Variants in TACC1 observed in about 807,000 individuals in gnomAD.
TACC1 encodes the protein transforming acidic coiled-coil-containing protein 1.
TACC1 carries 48 observed loss-of-function variants against 84.4 expected under a neutral mutation model. That is an observed-to-expected ratio of 0.57 (90% CI 0.45 to 0.72). The LOEUF (loss-of-function observed/expected upper bound fraction) is 0.72, where lower values mean the gene tolerates loss of function less well. Ranked by LOEUF, TACC1 falls within the 30% of genes least tolerant of loss-of-function variation. The pLI, the probability that TACC1 is intolerant of heterozygous loss-of-function variation, is 0.00. For synonymous variants in TACC1, 372 were observed against 376.3 expected (o/e 0.99, Z 0.13); for missense variants, 920 against 973.0 (o/e 0.95, Z 0.72).
chr8:38,783,436 T>C (rs1325995442), upstream of TACC1, among the ~76,000 whole-genome samples: 1 of 151,868 alleles, frequency 6.6e-6, no homozygotes, highest in Admixed American at 6.6e-5. Context: ...TTTTTTTTTT[T>C]TTTGAGATGG....
At chr8:38,744,808 A>G (rs907507939) in intron 2 of TACC1, 2 of 152,130 alleles carry the variant, frequency 1.3e-5, no homozygotes, top group Non-Finnish European at 2.9e-5. Context: ...GGCGGGTAAT[A>G]AAACTGAATA....
chr8:38,729,667 G>T (rs912817431), intron 1 of TACC1, among the ~76,000 whole-genome samples: 1 of 152,252 alleles, frequency 6.6e-6, no homozygotes, highest in South Asian at 2.1e-4. Flanking sequence ...TCAGGAGTTC[G>T]AGACTAGCCT....
chr8:38,739,358 T>C (rs1326891274), intron 1 of TACC1, among the ~76,000 whole-genome samples: 2 of 152,236 alleles, frequency 1.3e-5, no homozygotes, highest in Non-Finnish European at 2.9e-5. Flanking sequence ...ATCCACTCAA[T>C]TGTTCAACTG....
intron 4 of TACC1, among the ~76,000 whole-genome samples, chr8:38,825,601 A>G (rs909030484): frequency 6.6e-6 from 1 of 152,032 alleles, no homozygotes; most frequent in Admixed American, 6.5e-5. Flanking sequence ...TTTAAATGCT[A>G]CAAAGATGCA....
intron 9 of TACC1, among the ~76,000 whole-genome samples, chr8:38,841,193 A>T (rs529868341): frequency 6.6e-6 from 1 of 152,194 alleles, no homozygotes; most frequent in Non-Finnish European, 1.5e-5. Flanking sequence ...TTTAATATAT[A>T]TAGTTGATTC....
intron 3 of TACC1, among the ~76,000 whole-genome samples, chr8:38,755,236 C>G (rs1343383379): frequency 6.7e-6 from 1 of 150,346 alleles, no homozygotes; most frequent in East Asian, 2.0e-4. Flanking sequence ...TCTGGAACAA[C>G]TAAAATGTAG....
chr8:38,732,158 AAG>A (rs1412819026), intron 1 of TACC1, among the ~76,000 whole-genome samples: 4 of 135,420 alleles, frequency 3.0e-5, no homozygotes, highest in Non-Finnish European at 4.6e-5. Context: ...GAAAAGAAGA[AAG>A]GAAGGAAGGA....
intron 3 of TACC1, among the ~76,000 whole-genome samples, chr8:38,775,669 T>C (rs534512341): frequency 3.7e-4 from 56 of 152,304 alleles, no homozygotes; most frequent in African/African-American, 1.3e-3. Context: ...TATTCTCACA[T>C]TGGAGTTTAG....
At chr8:38,740,584 A>C (rs995735126) in intron 1 of TACC1, among the ~76,000 whole-genome samples, 4 of 152,254 alleles carry the variant, frequency 2.6e-5, no homozygotes, top group Non-Finnish European at 5.9e-5. Context: ...TGATGGGCAA[A>C]AAAATGGAAA....
chr8:38,797,637 A>G (rs1032597979), intron 2 of TACC1, among the ~76,000 whole-genome samples: 1 of 152,198 alleles, frequency 6.6e-6, no homozygotes, highest in Non-Finnish European at 1.5e-5. Flanking sequence ...ATCCAGCATC[A>G]GCTTCTCAGC....
intron 1 of TACC1, among the ~76,000 whole-genome samples, chr8:38,736,060 C>T (rs894608909): frequency 8.5e-5 from 13 of 152,206 alleles, no homozygotes; most frequent in Admixed American, 6.5e-5. Flanking sequence ...TGTCCCTTGC[C>T]TCCTTTGGTG....
intron 1 of TACC1, among the ~76,000 whole-genome samples, chr8:38,741,901 A>AG (rs1807147262): frequency 6.6e-6 from 1 of 152,252 alleles, no homozygotes. Flanking sequence ...TTAAAAAAAA[A>AG]TCAATAAAAA....
chr8:38,792,894 C>T (rs953613318), intron 2 of TACC1, among the ~76,000 whole-genome samples: 4 of 152,162 alleles, frequency 2.6e-5, no homozygotes, highest in African/African-American at 9.7e-5. Flanking sequence ...GCTACCATGC[C>T]TGGCTTTTGT....
intron 3 of TACC1, among the ~76,000 whole-genome samples, chr8:38,755,875 C>T (rs1277635822): frequency 3.3e-5 from 5 of 151,656 alleles, no homozygotes; most frequent in Admixed American, 6.6e-5. Context: ...AGTGCAGTGG[C>T]GCGATCTCGG....
Position 38,852,105 on chromosome 8 carries a change from C to A in TACC1, c.*4082C>A. The A allele has an allele frequency of 3.0e-6, 1 of 332,166 alleles. No individual in the cohort carries two copies. The highest frequency in any genetic ancestry group is 6.2e-6 in the Non-Finnish European group (1 of 161,842). The allele number at this position is 332,166 out of a possible 1,614,324, so 20.6% of individuals were successfully genotyped here. On this transcript the variant is annotated 3_prime_UTR_variant, in exon 13 of 13. Transcript: ENST00000317827. ...TCCAGGGAAGACCCATCCCCTAGTGCCAGAGCTTGCATCCTGGAGACTAAA... is the reference window on the plus strand; with the variant it reads ...TCCAGGGAAGACCCATCCCCTAGTGACAGAGCTTGCATCCTGGAGACTAAA...
Position 38,820,138 on chromosome 8 carries a change from C to G in TACC1, c.894C>G (p.Leu298=), listed in dbSNP as rs1826382224. The change falls in exon 3 of 13, where the codon CTC becomes CTG. Residue 298 remains leucine (L), a synonymous_variant. Transcript: ENST00000317827. Reference sequence around the variant, plus strand: ...ACCTTAAAGAAACTCCCGGCACTCTCAGTAGTGACACCAACGACTCAGGGG... The same window carrying G: ...ACCTTAAAGAAACTCCCGGCACTCTGAGTAGTGACACCAACGACTCAGGGG... ...PPDLKETPGT[L]SSDTNDSGVE... The G allele has an allele frequency of 6.2e-7, 1 of 1,614,048 alleles. No homozygotes were observed. The highest frequency in any genetic ancestry group is 1.3e-5 in the African/African-American group (1 of 74,910).
At chr8:38,842,661 T>C (rs374935296) in intron 10 of TACC1, among the ~76,000 whole-genome samples, 106 of 152,364 alleles carry the variant, frequency 7.0e-4, no homozygotes, top group African/African-American at 2.4e-3. Context: ...CTGGGTGCCA[T>C]GTCTTGGCCA....
intron 6 of TACC1, among the ~76,000 whole-genome samples, chr8:38,832,700 C>T (rs1417013693): frequency 4.6e-5 from 7 of 152,154 alleles, no homozygotes; most frequent in Non-Finnish European, 1.0e-4. Flanking sequence ...GCATTTTTCA[C>T]GTAAGAAGTT....
chr8:38,787,239 T>TCCGCGAGCCGGGAGCGGGAGC lies in TACC1; in HGVS notation c.-343_-323dup. The TCCGCGAGCCGGGAGCGGGAGC allele has an allele frequency of 3.0e-6, 3 of 1,011,846 alleles. No homozygotes were observed. The highest frequency in any genetic ancestry group is 3.5e-6 in the Non-Finnish European group (3 of 848,286). 62.7% of individuals were successfully genotyped at this position (1,011,846 alleles called of 1,614,324 possible). ...CGCCCCGCCGGCCGGGAGGCGGGAG[T>TCCGCGAGCCGGGAGCGGGAGC]CCGCGAGCCGGGAGCGGGAGCAGCA... On this transcript the variant is annotated 5_prime_UTR_variant, in exon 1 of 13. Transcript: ENST00000317827.
Sources: gnomAD v4.1 joint callset for allele counts (sites outside exome capture counted in the v4.1 genomes callset) on GRCh38, gnomAD v4.1.1 for gene constraint, MANE v1.5 for transcripts, NCBI Gene and HGNC (gene_info 2026-07-23, HGNC 2026-07-21) for gene names.